The following GRIK4 variants were observed in gnomAD, a reference collection of about 807,000 sequenced individuals.
GRIK4 encodes glutamate receptor ionotropic, kainate 4.
A neutral mutation model predicts 104.9 loss-of-function variants in GRIK4; 40 were observed. That is an observed-to-expected ratio of 0.38 (90% CI 0.30 to 0.50). The LOEUF (loss-of-function observed/expected upper bound fraction) is 0.50, where lower values mean the gene tolerates loss of function less well. GRIK4 is among the 20% of genes least tolerant of loss of function. The pLI, the probability that GRIK4 is intolerant of heterozygous loss-of-function variation, is 0.93. For missense variants in GRIK4, 1,047 were observed against 1,308.1 expected (o/e 0.80, Z 3.08); for synonymous variants, 485 against 524.9 (o/e 0.92, Z 1.04).
intron 3 of GRIK4, among the ~76,000 whole-genome samples, chr11:120,746,263 C>T (rs1034735281): frequency 2.0e-5 from 3 of 152,128 alleles, no homozygotes; most frequent in Non-Finnish European, 4.4e-5. Flanking sequence ...GTGTTCGTTT[C>T]CTCTTTGCTC....
intron 3 of GRIK4, among the ~76,000 whole-genome samples, chr11:120,739,382 C>G (rs763792104): frequency 5.3e-5 from 8 of 152,190 alleles, no homozygotes; most frequent in Non-Finnish European, 1.2e-4. Flanking sequence ...CTTTGCTGCC[C>G]TCTGTGTCAG....
At chr11:120,715,967 C>T (rs1950825000) in intron 3 of GRIK4, among the ~76,000 whole-genome samples, 1 of 152,098 alleles carries the variant, frequency 6.6e-6, no homozygotes, top group Non-Finnish European at 1.5e-5. Context: ...AAGGCTCATC[C>T]TGAGCAGAGA....
intron 1 of GRIK4, among the ~76,000 whole-genome samples, chr11:120,644,928 G>T (rs190446543): frequency 6.6e-6 from 1 of 152,104 alleles, no homozygotes; most frequent in East Asian, 1.9e-4. Context: ...AGAAAAAAAA[G>T]AACTTGGTGG....
intron 3 of GRIK4, among the ~76,000 whole-genome samples, chr11:120,765,505 C>T (rs111757447): frequency 4.1e-4 from 62 of 152,146 alleles, no homozygotes; most frequent in African/African-American, 1.3e-3. Context: ...CCCTTGCTGA[C>T]GAGGAGTTGT....
chr11:120,597,060 GGGCTT>G, intron 1 of GRIK4, among the ~76,000 whole-genome samples: 1 of 152,278 alleles, frequency 6.6e-6, no homozygotes, highest in East Asian at 1.9e-4. Context: ...CCCTCACTTG[GGGCTT>G]CTATATATGT....
At chr11:120,862,231 C>A in intron 9 of GRIK4, 111 bp downstream of exon 9, 1 of 902,216 alleles carries the variant, frequency 1.1e-6, no homozygotes, top group Non-Finnish European at 1.7e-6. Context: ...TCTCCTGCTC[C>A]AGTCCCAGCT....
chr11:120,837,707 C>T (rs1454501684), intron 8 of GRIK4, among the ~76,000 whole-genome samples: 1 of 151,210 alleles, frequency 6.6e-6, no homozygotes, highest in Non-Finnish European at 1.5e-5. Flanking sequence ...CCTAACACTG[C>T]TGCTATAAAT....
intron 13 of GRIK4, among the ~76,000 whole-genome samples, chr11:120,906,443 T>TTTTA (rs1241021694): frequency 6.6e-6 from 1 of 152,204 alleles, no homozygotes; most frequent in African/African-American, 2.4e-5. Flanking sequence ...TAAACACACC[T>TTTTA]TTTAGCTGGT....
chr11:120,712,313 G>A (rs905155806), intron 3 of GRIK4, among the ~76,000 whole-genome samples: 6 of 152,110 alleles, frequency 3.9e-5, no homozygotes, highest in Admixed American at 1.3e-4. Context: ...AAATGAGACC[G>A]GACAGGTAGG....
intron 1 of GRIK4, among the ~76,000 whole-genome samples, chr11:120,580,196 GTTCTTTCTTTC>G (rs1296695073): frequency 3.0e-5 from 4 of 133,112 alleles, no homozygotes; most frequent in African/African-American, 5.8e-5. Context: ...GAGTACAAGG[GTTCTTTCTTTC>G]TTTCTTTCTT....
intron 20 of GRIK4, among the ~76,000 whole-genome samples, chr11:120,984,520 G>A (rs927625473): frequency 6.6e-6 from 1 of 152,174 alleles, no homozygotes; most frequent in Non-Finnish European, 1.5e-5. Flanking sequence ...TGTAATCCTA[G>A]CACTTTGGGA....
chr11:120,809,536 C>T (rs939424144), intron 4 of GRIK4, among the ~76,000 whole-genome samples: 5 of 152,236 alleles, frequency 3.3e-5, no homozygotes, highest in Non-Finnish European at 7.3e-5. Flanking sequence ...TGCTAAGACC[C>T]TAATTCAGTT....
At chr11:120,532,826 G>A (rs1947936316) in intron 1 of GRIK4, among the ~76,000 whole-genome samples, 1 of 151,786 alleles carries the variant, frequency 6.6e-6, no homozygotes, top group South Asian at 2.1e-4. Context: ...GGTTTTAGAT[G>A]CTTTGGGCTT....
intron 3 of GRIK4, among the ~76,000 whole-genome samples, chr11:120,680,434 C>T (rs1436000065): frequency 1.3e-5 from 2 of 152,188 alleles, no homozygotes; most frequent in African/African-American, 4.8e-5. Context: ...CTCTGGGGCT[C>T]CAGTGCCACC....
rs148895512 is a variant in GRIK4 at position 120,749,725 on chromosome 11, G to A, written c.83-52968G>A. Among the ~76,000 whole-genome samples the A allele has an allele frequency of 7.7e-3, 1,173 of 152,318 alleles. 16 individuals are homozygous for A. Among genetic ancestry groups the A allele is most frequent in the African/African-American group, 0.026 (1,063 of 41,580 alleles). On this transcript the variant is annotated intron_variant, in intron 3 of 20. Coordinates refer to ENST00000527524, the MANE Select transcript of GRIK4 (RefSeq NM_014619.5). ...TGGTAGGGAGCTCTTTTGAAGGCCA[G>A]TTGTAGAGGAGGGGCCCCACAGCAC... is the stretch of plus-strand genomic sequence containing the variant.
At chr11:120,846,058 T>A (rs1953845399) in intron 8 of GRIK4, among the ~76,000 whole-genome samples, 1 of 152,202 alleles carries the variant, frequency 6.6e-6, no homozygotes, top group Admixed American at 6.5e-5. Flanking sequence ...AACCCTCCTG[T>A]ACCTATTCTC....
At chr11:120,625,892 T>A (rs1949253035) in intron 1 of GRIK4, among the ~76,000 whole-genome samples, 1 of 152,040 alleles carries the variant, frequency 6.6e-6, no homozygotes, top group Non-Finnish European at 1.5e-5. Context: ...CAGGCTCTGA[T>A]GAATGGAGGC....
At chr11:120,519,196 CTTA>C (rs2136072087) in intron 1 of GRIK4, among the ~76,000 whole-genome samples, 1 of 152,234 alleles carries the variant, frequency 6.6e-6, no homozygotes, top group African/African-American at 2.4e-5. Flanking sequence ...GTATTCAATG[CTTA>C]TTATGTGCCA....
chr11:120,624,381 G>A (rs1274067470), intron 1 of GRIK4, among the ~76,000 whole-genome samples: 1 of 152,004 alleles, frequency 6.6e-6, no homozygotes, highest in African/African-American at 2.4e-5. Context: ...CCTGTAACCA[G>A]ATGTAGAGGT....
Sources: allele counts gnomAD v4.1 joint callset (sites outside exome capture counted in the v4.1 genomes callset), GRCh38; gene constraint gnomAD v4.1.1; transcripts MANE v1.5; gene names NCBI Gene and HGNC (gene_info 2026-07-23, HGNC 2026-07-21).